Variants in PCCA observed in about 807,000 individuals in gnomAD.
The protein encoded by PCCA is propionyl-CoA carboxylase alpha chain, mitochondrial.
Under a neutral mutation model 101.3 loss-of-function variants are expected in PCCA, and 74 were observed. That is an observed-to-expected ratio of 0.73 (90% CI 0.61 to 0.89). The LOEUF (loss-of-function observed/expected upper bound fraction) is 0.89, where lower values mean the gene tolerates loss of function less well. PCCA is among the 40% of genes least tolerant of loss of function. PCCA has a pLI of 0.00. For synonymous variants in PCCA, 294 were observed against 313.6 expected, an observed-to-expected ratio of 0.94 and a Z score of 0.66; for missense variants, 891 against 907.0, an observed-to-expected ratio of 0.98 and a Z score of 0.23.
chr13:100,270,085 C>T (rs1269195965), intron 11 of PCCA, among the ~76,000 whole-genome samples: 1 of 152,224 alleles, frequency 6.6e-6, no homozygotes, highest in Non-Finnish European at 1.5e-5. Context: ...CTGTGAAGAA[C>T]TGTGTAGCTT....
intron 18 of PCCA, among the ~76,000 whole-genome samples, chr13:100,341,999 A>T (rs564827171): frequency 3.5e-5 from 5 of 143,294 alleles, no homozygotes; most frequent in African/African-American, 1.3e-4. Context: ...ATGTGTGTGT[A>T]TATATATGTA....
intron 17 of PCCA, among the ~76,000 whole-genome samples, chr13:100,336,757 T>C (rs930109230): frequency 1.3e-5 from 2 of 152,210 alleles, no homozygotes; most frequent in East Asian, 3.8e-4. Context: ...ATGTCTTCAC[T>C]GAAGAGCCCA....
intron 16 of PCCA, among the ~76,000 whole-genome samples, chr13:100,315,717 C>T (rs2067284919): frequency 6.6e-6 from 1 of 152,144 alleles, no homozygotes; most frequent in Non-Finnish European, 1.5e-5. Context: ...AAGGCCACTC[C>T]TAGGGGCCTC....
intron 22 of PCCA, chr13:100,527,352 G>T: frequency 2.0e-6 from 1 of 495,002 alleles, no homozygotes. Flanking sequence ...CAGGTAAGTG[G>T]AAAACATTCC....
chr13:100,309,833 C>G lies in PCCA; in HGVS notation c.1354C>G (p.Leu452Val). ...GGGTTTTTTGTTTGCTTGTTTTTAG[C>G]TAATCACATATGGCTCTGATAGAAC... is the stretch of plus-strand genomic sequence containing the variant. ...SIYYDPMISK[L>V]ITYGSDRTEA... The change falls in exon 16 of 24, where the codon CTA becomes GTA. Residue 452 changes from leucine to valine, a missense_variant and splice_region_variant. Physicochemically the swap from Leu to Val is conservative, Grantham distance 32. Coordinates refer to ENST00000376285, the MANE Select transcript of PCCA (RefSeq NM_000282.4). The G allele has an allele frequency of 6.2e-7, 1 of 1,606,044 alleles. No homozygotes were observed. Among genetic ancestry groups the G allele is most frequent in the East Asian group, 2.2e-5 (1 of 44,764 alleles).
chr13:100,403,753 A>G (rs970095427), intron 19 of PCCA, among the ~76,000 whole-genome samples: 2 of 152,178 alleles, frequency 1.3e-5, no homozygotes, highest in African/African-American at 2.4e-5. Flanking sequence ...GGGACTCTTC[A>G]AGGCCAGAGT....
At chr13:100,205,538 C>CTTTTTTTTTTT (rs3034652) in intron 6 of PCCA, among the ~76,000 whole-genome samples, 1 of 112,136 alleles carries the variant, frequency 8.9e-6, no homozygotes, top group Non-Finnish European at 1.7e-5. Context: ...TTGATATAAG[C>CTTTTTTTTTTT]TTTTTTTTTT....
At chr13:100,188,833 G>A (rs181930998) in intron 6 of PCCA, among the ~76,000 whole-genome samples, 1 of 151,528 alleles carries the variant, frequency 6.6e-6, no homozygotes, top group Admixed American at 6.6e-5. Flanking sequence ...ATTGAAGTTT[G>A]TTGGCCATCT....
chr13:100,215,775 G>A (rs2059473178), intron 7 of PCCA, among the ~76,000 whole-genome samples: 1 of 151,970 alleles, frequency 6.6e-6, no homozygotes, highest in African/African-American at 2.4e-5. Flanking sequence ...AAGTAGCTGG[G>A]ATTACAGGCA....
At chr13:100,280,758 A>G (rs2064041272) in intron 12 of PCCA, among the ~76,000 whole-genome samples, 1 of 150,890 alleles carries the variant, frequency 6.6e-6, no homozygotes, top group African/African-American at 2.5e-5. Flanking sequence ...AACTTTAGAA[A>G]TAAACAATTC....
intron 12 of PCCA, among the ~76,000 whole-genome samples, chr13:100,297,594 G>T (rs938121274): frequency 6.6e-6 from 1 of 152,148 alleles, no homozygotes; most frequent in Non-Finnish European, 1.5e-5. Flanking sequence ...GTGGTAAGAG[G>T]TATTAGACAC....
intron 4 of PCCA, chr13:100,154,668 T>A: frequency 2.8e-6 from 1 of 352,144 alleles, no homozygotes; most frequent in Non-Finnish European, 5.5e-6. Flanking sequence ...TAGTTTTTGA[T>A]ATCAAATTTA....
intron 4 of PCCA, among the ~76,000 whole-genome samples, chr13:100,145,861 C>CA (rs767182982): frequency 4.9e-3 from 314 of 64,144 alleles, no homozygotes; most frequent in Middle Eastern, 0.013. Flanking sequence ...GACTCCGTCT[C>CA]AAAAAAAAAA....
At chr13:100,372,489 A>G (rs1007944015) in intron 19 of PCCA, among the ~76,000 whole-genome samples, 19 of 152,216 alleles carry the variant, frequency 1.2e-4, no homozygotes, top group Non-Finnish European at 8.8e-5. Flanking sequence ...GGACTATGTG[A>G]GAGTTAAACA....
At position 100,301,459 on chromosome 13, in the gene PCCA, G is replaced by T. The variant is rs983300151; in HGVS notation, c.1066-1G>T. ...CTGACTGGCAGACCTTGGCCTTGCA[G>T]GTTGAGCATCCTGTCACAGAATGCA... On this transcript the variant is annotated splice_acceptor_variant, in intron 12 of 23. Coordinates refer to ENST00000376285, the MANE Select transcript of PCCA (RefSeq NM_000282.4). LOFTEE classifies it high-confidence loss of function. 1 of 1,614,044 alleles carries T rather than the reference G, an allele frequency of 6.2e-7. No individual in the cohort carries two copies. Among genetic ancestry groups the T allele is most frequent in the South Asian group, 1.1e-5 (1 of 91,086 alleles).
At chr13:100,153,176 A>G (rs749905457) in intron 4 of PCCA, among the ~76,000 whole-genome samples, 8 of 152,236 alleles carry the variant, frequency 5.3e-5, no homozygotes, top group South Asian at 2.1e-4. Flanking sequence ...AAGTGTATCT[A>G]TGAGTAAATA....
intron 7 of PCCA, among the ~76,000 whole-genome samples, chr13:100,225,672 C>T (rs565833838): frequency 1.1e-3 from 163 of 152,210 alleles, no homozygotes; most frequent in African/African-American, 3.6e-3. Flanking sequence ...CCCTGCTAAA[C>T]CAAGAATAAT....
At chr13:100,408,288 G>A (rs184443201) in intron 19 of PCCA, among the ~76,000 whole-genome samples, 3 of 152,286 alleles carry the variant, frequency 2.0e-5, no homozygotes, top group Non-Finnish European at 1.5e-5. Context: ...AAGTCAAATA[G>A]TTCTTAAAAC....
At chr13:100,228,498 TAA>T (rs1004675098) in intron 7 of PCCA, among the ~76,000 whole-genome samples, 49 of 152,330 alleles carry the variant, frequency 3.2e-4, no homozygotes, top group African/African-American at 1.2e-3. Context: ...AAGAATATTT[TAA>T]AGAGTGTTAA....
Sources: allele counts gnomAD v4.1 joint callset (sites outside exome capture counted in the v4.1 genomes callset), GRCh38; gene constraint gnomAD v4.1.1; transcripts MANE v1.5; gene names NCBI Gene and HGNC (gene_info 2026-07-23, HGNC 2026-07-21).